The following STARD9 variants were observed in gnomAD, a reference collection of about 807,000 sequenced individuals.
STARD9 encodes the protein stAR-related lipid transfer protein 9.
In STARD9, 346 loss-of-function variants were observed where a neutral mutation model predicts 399.8. The ratio of observed to expected loss-of-function variants is 0.87; its 90% CI spans 0.79 to 0.95. STARD9 has a LOEUF of 0.95. Among genes scored for constraint, STARD9 ranks in the 40% least tolerant of loss-of-function variants. The probability of loss-of-function intolerance (pLI) is 0.00; values close to 1 mark genes in which losing one functional copy is unlikely to be tolerated. For synonymous variants in STARD9, 2,203 were observed against 2,143.5 expected (o/e 1.03, Z -0.77); for missense variants, 5,832 against 5,667.5 (o/e 1.03, Z -0.93).
At position 42,690,361 on chromosome 15, in the gene STARD9, C is replaced by T. The variant is rs557870462; in HGVS notation, c.8783C>T (p.Pro2928Leu). 2.6e-6 allele frequency: 4 copies of T among 1,537,252 alleles called. No homozygotes were observed. In the African/African-American group the frequency reaches 5.5e-5, roughly 21 times the overall value. ...CRHPREALDG[P>L]VFSRNPEGSR... is the part of the protein sequence containing the mutation. ...CACCCAAGGGAAGCTTTAGATGGCCCTGTCTTCTCAAGGAACCCTGAAGGC... is the reference window on the plus strand; with the variant it reads ...CACCCAAGGGAAGCTTTAGATGGCCTTGTCTTCTCAAGGAACCCTGAAGGC... Residue 2928 changes from proline to leucine, a missense_variant, in exon 23 of 33, where the codon CCT becomes CTT. By Grantham distance (98) the Pro-to-Leu change is moderately conservative (BLOSUM62 -3). Transcript: ENST00000290607.
At chr15:42,661,006 T>C (rs2059983876) in intron 9 of STARD9, among the ~76,000 whole-genome samples, 152 bp from the exon 10 acceptor site, 1 of 152,050 alleles carries the variant, frequency 6.6e-6, no homozygotes, top group Non-Finnish European at 1.5e-5. Context: ...CTGTCAGATA[T>C]TGAGAGCTCA....
In STARD9 at chr15:42,693,201, G is replaced by A. The variant is rs548111598; in HGVS notation, c.11623G>A (p.Glu3875Lys). ...HSPGLFPSTSEYPGDSRVQKK... is the reference protein window; with the variant it reads ...HSPGLFPSTSKYPGDSRVQKK... ...CCCAGGGCTCTTTCCCAGTACTTCC[G>A]AGTATCCTGGGGACTCCAGGGTCCA... The change falls in exon 23 of 33, where the codon GAG becomes AAG. Residue 3875 changes from glutamate to lysine, a missense_variant. By Grantham distance (56) the Glu-to-Lys change is moderately conservative. Around this residue, in one of 2 missense-constraint regions of STARD9, gnomAD observed 5,828 missense variants for 5,651.1 expected, o/e 1.03. Transcript: ENST00000290607. 32 of 1,537,008 alleles carry A rather than the reference G, an allele frequency of 2.1e-5. No homozygotes were observed. In the South Asian group the frequency reaches 3.5e-4, roughly 17 times the overall value.
intron 8 of STARD9, among the ~76,000 whole-genome samples, chr15:42,651,804 C>A (rs1326864593): frequency 6.6e-6 from 1 of 152,156 alleles, no homozygotes. Flanking sequence ...CCCTGAGCTC[C>A]ATGATTTTTC....
At chr15:42,592,634 G>A (rs758745472) in intron 3 of STARD9, among the ~76,000 whole-genome samples, 6 of 151,740 alleles carry the variant, frequency 4.0e-5, no homozygotes, top group African/African-American at 1.2e-4. Context: ...TAGTAGAGAC[G>A]GGTTTCTCCA....
At chr15:42,589,552 A>G (rs911111611) in intron 3 of STARD9, among the ~76,000 whole-genome samples, 12 of 151,790 alleles carry the variant, frequency 7.9e-5, no homozygotes, top group African/African-American at 2.2e-4. Context: ...ATCAAACAGT[A>G]TGTAGTTGTT....
chr15:42,718,581 A>T, intron 31 of STARD9, 67 bp downstream of exon 31: 1 of 1,482,516 alleles, frequency 6.7e-7, no homozygotes, highest in South Asian at 1.2e-5. Context: ...GAAACAATCT[A>T]TGTGGGCCTC....
chr15:42,663,164 T>C, intron 11 of STARD9, 117 bp from the exon 12 acceptor site: 4 of 975,376 alleles, frequency 4.1e-6, no homozygotes, highest in Non-Finnish European at 5.9e-6. Context: ...TCCTATTGTA[T>C]GCAGAAGGGA....
chr15:42,650,804 G>C (rs370084009), intron 7 of STARD9, among the ~76,000 whole-genome samples: 2 of 152,164 alleles, frequency 1.3e-5, no homozygotes, highest in Non-Finnish European at 1.5e-5. Flanking sequence ...TGAGGACAGA[G>C]ACCTATATTC....
chr15:42,606,630 ATT>A (rs80069920), intron 3 of STARD9, among the ~76,000 whole-genome samples: 5 of 136,068 alleles, frequency 3.7e-5, no homozygotes, highest in Admixed American at 7.4e-5. Context: ...TAATTTTTGT[ATT>A]TTTTTTTTTT....
chr15:42,675,504 T>C, intron 18 of STARD9, 160 bp from the exon 19 acceptor site: 1 of 608,056 alleles, frequency 1.6e-6, no homozygotes, highest in South Asian at 2.0e-5. Flanking sequence ...TAATTCAAGA[T>C]GTATGCTGTG....
intron 3 of STARD9, among the ~76,000 whole-genome samples, chr15:42,626,570 G>A (rs1419948339): frequency 2.6e-5 from 4 of 151,220 alleles, no homozygotes; most frequent in East Asian, 1.9e-4. Flanking sequence ...GCGCGATTTC[G>A]GCTCACTGCA....
intron 26 of STARD9, among the ~76,000 whole-genome samples, chr15:42,715,432 A>G (rs756806698): frequency 4.6e-5 from 7 of 152,126 alleles, no homozygotes; most frequent in Admixed American, 2.0e-4. Context: ...GTAATCCCAA[A>G]ACTTTGGGAG....
chr15:42,617,961 T>A (rs1336064951), intron 3 of STARD9, among the ~76,000 whole-genome samples: 3 of 152,000 alleles, frequency 2.0e-5, no homozygotes, highest in Admixed American at 6.6e-5. Context: ...GGTCCCACTA[T>A]CTTATTGAGG....
chr15:42,715,653 G>A (rs1264957060), intron 26 of STARD9, among the ~76,000 whole-genome samples: 3 of 151,678 alleles, frequency 2.0e-5, no homozygotes, highest in Non-Finnish European at 2.9e-5. Context: ...GATTACAGGC[G>A]CCCGCCACCA....
rs2060504096 is a variant in STARD9 at position 42,684,545 on chromosome 15, G to T, written c.2967G>T (p.Gly989=). 6.5e-7 allele frequency: 1 copy of T among 1,537,258 alleles called. No individual in the cohort carries two copies. Among genetic ancestry groups the T allele is most frequent in the African/African-American group, 1.4e-5 (1 of 73,184 alleles). ...CAGACCCTAGCCACACACAAGCTGG[G>T]TGGCGAAAAGAAGGGAACCTTGGGA... ...GLADPSHTQA[G]WRKEGNLGTH... The change falls in exon 23 of 33, where the codon GGG becomes GGT. Residue 989 remains glycine (G), a synonymous_variant. Coordinates refer to ENST00000290607, the MANE Select transcript of STARD9 (RefSeq NM_020759.3).
At chr15:42,656,476 A>G (rs8043143) in intron 9 of STARD9, among the ~76,000 whole-genome samples, 11,040 of 151,972 alleles carry the variant, frequency 0.073, 944 homozygotes, top group African/African-American at 0.21. Flanking sequence ...AAAGAACTAC[A>G]GGTAGATTTA....
chr15:42,638,773 C>G lies in STARD9; in HGVS notation c.520C>G (p.Arg174Gly). Residue 174 changes from arginine to glycine, a missense_variant, in exon 7 of 33, where the codon CGG becomes GGG. Arg to Gly is a moderately radical substitution (Grantham distance 125). This residue lies in a region of STARD9 where 5,828 missense variants were observed against 5,651.1 expected (regional missense o/e 1.03). Coordinates refer to ENST00000290607, the MANE Select transcript of STARD9 (RefSeq NM_020759.3). The part of the protein sequence containing the change: ...QSGQKKSYTL[R>G]VREHPEMGPY... Reference sequence around the variant, plus strand: ...TGGTCAAAAAAAGTCCTATACCCTGCGGGTCAGGGAGCATCCAGAGATGGG... The same window carrying G: ...TGGTCAAAAAAAGTCCTATACCCTGGGGGTCAGGGAGCATCCAGAGATGGG... 6.5e-7 allele frequency: 1 copy of G among 1,535,716 alleles called. No homozygotes were observed. Among genetic ancestry groups the G allele is most frequent in the Non-Finnish European group, 8.7e-7 (1 of 1,145,878 alleles).
At chr15:42,674,410 C>T in intron 16 of STARD9, 30 bp from the exon 17 acceptor site, 1 of 1,512,556 alleles carries the variant, frequency 6.6e-7, no homozygotes, top group African/African-American at 1.4e-5. Context: ...CCTTTTAATT[C>T]TCATTAAAAT....
chr15:42,684,064 C>T (rs2060491922), intron 22 of STARD9, 52 bp from the exon 23 acceptor site: 1 of 1,478,604 alleles, frequency 6.8e-7, no homozygotes, highest in South Asian at 1.3e-5. Context: ...CTTCTGTCCA[C>T]AGGAAGTAGT....
Sources: gnomAD v4.1 joint callset for allele counts (sites outside exome capture counted in the v4.1 genomes callset) on GRCh38, gnomAD v4.1.1 for gene constraint, gnomAD v4.1.1 regional missense constraint, MANE v1.5 for transcripts, NCBI Gene and HGNC (gene_info 2026-07-23, HGNC 2026-07-21) for gene names.